AK2: variants seen among roughly 807,000 people sequenced by gnomAD.
The protein encoded by AK2 is adenylate kinase 2, mitochondrial.
Under a neutral mutation model 24.6 loss-of-function variants are expected in AK2, and 15 were observed. That is an observed-to-expected ratio of 0.61 (90% CI 0.41 to 0.94). AK2 has a LOEUF of 0.94. Among genes scored for constraint, AK2 ranks in the 40% least tolerant of loss-of-function variants. AK2 has a pLI of 0.00. For synonymous variants in AK2, 102 were observed against 114.0 expected (o/e 0.90, Z 0.67); for missense variants, 257 against 304.1 (o/e 0.85, Z 1.15).
intron 1 of AK2, 41 bp from the exon 2 acceptor site, chr1:33,024,608 C>T: frequency 6.2e-7 from 1 of 1,613,538 alleles, no homozygotes; most frequent in Non-Finnish European, 8.5e-7. Context: ...AATTACATTA[C>T]AGGCTGTGGA....
intron 1 of AK2, among the ~76,000 whole-genome samples, chr1:33,028,573 T>A (rs1317014641): frequency 6.6e-6 from 1 of 151,972 alleles, no homozygotes; most frequent in African/African-American, 2.4e-5. Flanking sequence ...TTAAGCAAGC[T>A]TCCCGGCCTG....
chr1:33,009,359 G>C lies in AK2; in HGVS notation c.*3822C>G, dbSNP rs970300836. On this transcript the variant is annotated 3_prime_UTR_variant, in exon 6 of 6. Coordinates refer to ENST00000672715, the MANE Select transcript of AK2 (RefSeq NM_001625.4). The stretch of plus-strand genomic sequence containing the variant: ...CTAGGACACACAGAGAAGCAACAAA[G>C]AGTGTTAAAGAAGCAACTGAAAAGG... 1.8e-5 allele frequency: 8 copies of C among 454,130 alleles called. No homozygotes were observed. Among genetic ancestry groups the C allele is most frequent in the African/African-American group, 8.0e-5 (4 of 50,140 alleles). The allele number at this position is 454,130 out of a possible 1,614,324, so 28.1% of individuals were successfully genotyped here.
At chr1:33,034,824 T>G (rs2038023) in intron 1 of AK2, among the ~76,000 whole-genome samples, 54,202 of 151,972 alleles carry the variant, frequency 0.36, 10,336 homozygotes, top group African/African-American at 0.49. Context: ...CAAGGCAGGA[T>G]GATCGCCTGT....
chr1:33,036,364 CGCAGGT>C (rs1640578533), intron 1 of AK2, among the ~76,000 whole-genome samples: 1 of 152,190 alleles, frequency 6.6e-6, no homozygotes, highest in African/African-American at 2.4e-5. Flanking sequence ...ACCTCCAACT[CGCAGGT>C]AACCTGGGCC....
chr1:33,024,216 C>T (rs958371909), intron 2 of AK2: 2 of 591,484 alleles, frequency 3.4e-6, no homozygotes, highest in Non-Finnish European at 6.0e-6. Flanking sequence ...TTTGTTAAAA[C>T]ACCCTCTAGC....
rs1005985978 is a variant in AK2, at chr1:33,011,863, T to C, written c.*1318A>G. The C allele has an allele frequency of 5.0e-5, 76 of 1,525,936 alleles. No individual in the cohort carries two copies. Among genetic ancestry groups the C allele is most frequent in the Middle Eastern group, 2.3e-4 (1 of 4,382 alleles). The allele number at this position is 1,525,936 out of a possible 1,614,324, so 94.5% of individuals were successfully genotyped here. ...CTTTTCTTGGGGAAGTCCATGGCTA[T>C]AGCCATCATAAAATTAGGGGTGAAG... On this transcript the variant is annotated 3_prime_UTR_variant, in exon 6 of 6. Transcript: ENST00000672715.
chr1:33,025,808 G>A (rs1639840754), intron 1 of AK2, among the ~76,000 whole-genome samples: 3 of 152,178 alleles, frequency 2.0e-5, no homozygotes, highest in Admixed American at 1.3e-4. Flanking sequence ...TGCAGGCCCT[G>A]GCATATAGTA....
intron 1 of AK2, chr1:33,032,552 A>G (rs1415965338): frequency 1.3e-5 from 2 of 152,186 alleles, no homozygotes; most frequent in Admixed American, 6.5e-5. Flanking sequence ...TCAGCTAATA[A>G]ATGACCAGGG....
intron 1 of AK2, among the ~76,000 whole-genome samples, chr1:33,024,807 G>A (rs1293623226): frequency 6.6e-6 from 1 of 152,178 alleles, no homozygotes; most frequent in Non-Finnish European, 1.5e-5. Flanking sequence ...AGTACAACTA[G>A]CACACAGGAA....
Position 33,008,664 on chromosome 1 carries a change from CCT to C in AK2, c.*4515_*4516del, listed in dbSNP as rs1483945387. The C allele has an allele frequency of 2.2e-6, 1 of 454,004 alleles. No individual in the cohort carries two copies. The highest frequency in any genetic ancestry group is 2.0e-5 in the African/African-American group (1 of 50,000). The allele number at this position is 454,004 out of a possible 1,614,324, so 28.1% of individuals were successfully genotyped here. On this transcript the variant is annotated 3_prime_UTR_variant, in exon 6 of 6. Transcript: ENST00000672715. ...GCATGACCTCAGGAATGCCACTTCA[CCT>C]CTCTGAGTCTGGTTTCCTCACCTAT...
At chr1:33,032,910 T>C (rs1163003565) in intron 1 of AK2, among the ~76,000 whole-genome samples, 1 of 152,082 alleles carries the variant, frequency 6.6e-6, no homozygotes, top group African/African-American at 2.4e-5. Flanking sequence ...ACGGCTATAA[T>C]CCCAACACTT....
At position 33,011,787 on chromosome 1, in the gene AK2, G is replaced by A. The variant is rs1446875630; in HGVS notation, c.*1394C>T. The A allele has an allele frequency of 1.4e-6, 2 of 1,459,690 alleles. No homozygotes were observed. The highest frequency in any genetic ancestry group is 2.4e-5 in the South Asian group (2 of 82,516). The allele number at this position is 1,459,690 out of a possible 1,614,324, so 90.4% of individuals were successfully genotyped here. A position where few individuals can be genotyped will look rare whatever the true frequency, so the allele number is the denominator to read the frequency against. On this transcript the variant is annotated 3_prime_UTR_variant, in exon 6 of 6. Transcript: ENST00000672715. ...AATGCTCAATAGTTGGGAAGCTAAGGTTATGAATAAAAGCTGGTAACTGTC... is the reference window on the plus strand; with the variant it reads ...AATGCTCAATAGTTGGGAAGCTAAGATTATGAATAAAAGCTGGTAACTGTC...
At position 33,008,646 on chromosome 1, in the gene AK2, C is replaced by T. The variant is rs1228786084; in HGVS notation, c.*4535G>A. On this transcript the variant is annotated 3_prime_UTR_variant, in exon 6 of 6. Transcript: ENST00000672715. The stretch of plus-strand genomic sequence containing the variant: ...GTCCTGACTGCCTCTTATGCATGAC[C>T]TCAGGAATGCCACTTCACCTCTCTG... The T allele has an allele frequency of 4.4e-6, 2 of 454,108 alleles. No individual in the cohort carries two copies. Among genetic ancestry groups the T allele is most frequent in the South Asian group, 1.6e-5 (1 of 64,472 alleles). 28.1% of individuals were successfully genotyped at this position (454,108 alleles called of 1,614,324 possible). A position where few individuals can be genotyped will look rare whatever the true frequency, so the allele number is the denominator to read the frequency against.
Position 33,008,127 on chromosome 1 carries a change from A to G in AK2, c.*5054T>C, listed in dbSNP as rs1638589625. 2.2e-6 allele frequency: 1 copy of G among 454,130 alleles called. No individual in the cohort carries two copies. The highest frequency in any genetic ancestry group is 4.4e-6 in the Non-Finnish European group (1 of 226,816). The allele number at this position is 454,130 out of a possible 1,614,324, so 28.1% of individuals were successfully genotyped here. A position where few individuals can be genotyped will look rare whatever the true frequency, so the allele number is the denominator to read the frequency against. On this transcript the variant is annotated 3_prime_UTR_variant, in exon 6 of 6. Transcript: ENST00000672715. Reference sequence around the variant, plus strand: ...ATGGTCAGTAAGACAACTTTCTTCAATGCCTACATTTTCCCTCTGAATTCC... The same window carrying G: ...ATGGTCAGTAAGACAACTTTCTTCAGTGCCTACATTTTCCCTCTGAATTCC...
At chr1:33,029,219 C>T (rs1640090083) in intron 1 of AK2, 1 of 152,156 alleles carries the variant, frequency 6.6e-6, no homozygotes, top group Non-Finnish European at 1.5e-5. Context: ...TCATCTTCTT[C>T]TTATGTTTTT....
Position 33,010,934 on chromosome 1 carries a change from A to G in AK2, c.*2247T>C. 6.3e-7 allele frequency: 1 copy of G among 1,584,104 alleles called. No homozygotes were observed. Among genetic ancestry groups the G allele is most frequent in the South Asian group, 1.1e-5 (1 of 87,326 alleles). ...TAAGCCCCAGCAACCAAATGCATTAAACACTGGACATTTCTGTGACAGGTA... is the reference window on the plus strand; with the variant it reads ...TAAGCCCCAGCAACCAAATGCATTAGACACTGGACATTTCTGTGACAGGTA... On this transcript the variant is annotated 3_prime_UTR_variant, in exon 6 of 6. Transcript: ENST00000672715.
Position 33,012,920 on chromosome 1 carries a change from A to G in AK2, c.*261T>C. ...CTCAAAACAACAACAAAAAAGAAGT[A>G]AACAGCTGGTAAAGCAACCTAGCCT... On this transcript the variant is annotated 3_prime_UTR_variant, in exon 6 of 6. Transcript: ENST00000672715. 1.4e-6 allele frequency: 2 copies of G among 1,442,116 alleles called. No homozygotes were observed. 89.3% of individuals were successfully genotyped at this position (1,442,116 alleles called of 1,614,324 possible).
intron 1 of AK2, 83 bp downstream of exon 1, chr1:33,036,653 C>A (rs894350303): frequency 2.3e-6 from 3 of 1,311,926 alleles, no homozygotes; most frequent in Non-Finnish European, 3.2e-6. Flanking sequence ...CCGCTCCGGG[C>A]AGGTCCAGGG....
intron 1 of AK2, 55 bp downstream of exon 1, chr1:33,036,681 G>A (rs1640603952): frequency 6.7e-7 from 1 of 1,488,948 alleles, no homozygotes; most frequent in Non-Finnish European, 9.2e-7. Context: ...ATCTCCGGCC[G>A]CCTTGACCTT....
Sources: gnomAD v4.1 joint callset for allele counts (sites outside exome capture counted in the v4.1 genomes callset) on GRCh38, gnomAD v4.1.1 for gene constraint, MANE v1.5 for transcripts, NCBI Gene and HGNC (gene_info 2026-07-23, HGNC 2026-07-21) for gene names.